Variants in GPATCH2 observed in about 807,000 individuals in gnomAD.
The protein encoded by GPATCH2 is G-patch domain containing 2, also known as G patch domain-containing protein 2.
A neutral mutation model predicts 58.0 loss-of-function variants in GPATCH2; 51 were observed. The ratio of observed to expected loss-of-function variants is 0.88; its 90% CI spans 0.70 to 1.11. GPATCH2 has a LOEUF of 1.11. Among genes scored for constraint, GPATCH2 ranks in the 50% most tolerant of loss-of-function variants. The pLI, the probability that GPATCH2 is intolerant of heterozygous loss-of-function variation, is 0.00. For missense variants in GPATCH2, 625 were observed against 652.2 expected, an observed-to-expected ratio of 0.96 and a Z score of 0.45; for synonymous variants, 222 against 218.5, an observed-to-expected ratio of 1.02 and a Z score of -0.14.
At chr1:217,563,556 T>A (rs1196247020) in intron 5 of GPATCH2, among the ~76,000 whole-genome samples, 3 of 152,186 alleles carry the variant, frequency 2.0e-5, no homozygotes, top group African/African-American at 7.2e-5. Flanking sequence ...ATAAGGTACA[T>A]TTTCCTATTA....
rs554462459 is a variant in GPATCH2, at chr1:217,587,844, C to A, written c.1098+22477G>T. Among the ~76,000 whole-genome samples the A allele has an allele frequency of 3.2e-4, 48 of 152,160 alleles. 1 individual carries two copies. The South Asian group carries it at 6.2e-3, about 20-fold the overall frequency. ...AATTTAGTTAAATCTTCACAGCCAG[C>A]CTATTAAATAGGTATTATGAAAGAC... On this transcript the variant is annotated intron_variant, in intron 5 of 9. Transcript: ENST00000366935.
chr1:217,580,865 G>A lies in GPATCH2; in HGVS notation c.1098+29456C>T, dbSNP rs1214519279. 2.2e-5 allele frequency among the ~76,000 whole-genome samples: 2 copies of A among 90,902 alleles called. 1 individual carries two copies. The highest frequency in any genetic ancestry group is 7.4e-5 in the African/African-American group (2 of 26,962). 59.6% of individuals were successfully genotyped at this position (90,902 alleles called of 152,430 possible). A position where few individuals can be genotyped will look rare whatever the true frequency, so the allele number is the denominator to read the frequency against. On this transcript the variant is annotated intron_variant, in intron 5 of 9. Coordinates refer to ENST00000366935, the MANE Select transcript of GPATCH2 (RefSeq NM_018040.5). The stretch of plus-strand genomic sequence containing the variant: ...CTACTAAAAATACAAAAAATTAGCC[G>A]GGCGCGGTGGCGGGCGCCTGTAGTC...
chr1:217,468,505 G>C (rs1558413779), intron 8 of GPATCH2, among the ~76,000 whole-genome samples: 1 of 128,438 alleles, frequency 7.8e-6, no homozygotes, highest in South Asian at 2.6e-4. Context: ...GTCAAGGAAT[G>C]CACACACAAC....
At chr1:217,435,352 G>A (rs1214006879) in intron 9 of GPATCH2, among the ~76,000 whole-genome samples, 2 of 152,182 alleles carry the variant, frequency 1.3e-5, no homozygotes, top group Non-Finnish European at 2.9e-5. Context: ...AAAGAGTACC[G>A]TGGAGGGTAA....
In GPATCH2 at chr1:217,620,472, C is replaced by A. The variant is rs1238891098; in HGVS notation, c.84G>T (p.Leu28=). ...CCAATGCTGAGACAAGGTCATGAACCAGCTCCTCCATGGTTCTACTGAAAT... is the reference window on the plus strand; with the variant it reads ...CCAATGCTGAGACAAGGTCATGAACAAGCTCCTCCATGGTTCTACTGAAAT... The part of the protein sequence containing the change: ...SWHFSRTMEE[L]VHDLVSALEE... The change falls in exon 2 of 10, where the codon CTG becomes CTT. Residue 28 remains leucine, a synonymous_variant. Coordinates refer to ENST00000366935, the MANE Select transcript of GPATCH2 (RefSeq NM_018040.5). 6.2e-7 allele frequency: 1 copy of A among 1,612,266 alleles called. No individual in the cohort carries two copies. Among genetic ancestry groups the A allele is most frequent in the Non-Finnish European group, 8.5e-7 (1 of 1,178,820 alleles).
chr1:217,526,004 T>C (rs1000126270), intron 5 of GPATCH2, among the ~76,000 whole-genome samples: 2 of 152,196 alleles, frequency 1.3e-5, no homozygotes, highest in Non-Finnish European at 2.9e-5. Flanking sequence ...ATATCATCCA[T>C]TGTGCATACT....
chr1:217,464,814 TAA>T (rs990922900), intron 8 of GPATCH2, among the ~76,000 whole-genome samples: 1 of 152,108 alleles, frequency 6.6e-6, no homozygotes, highest in Non-Finnish European at 1.5e-5. Flanking sequence ...GTCTCCTTCT[TAA>T]AAGTACAGGA....
chr1:217,598,417 G>A (rs1667955494), intron 5 of GPATCH2, among the ~76,000 whole-genome samples: 1 of 151,654 alleles, frequency 6.6e-6, no homozygotes, highest in African/African-American at 2.4e-5. Flanking sequence ...AAACCATAAG[G>A]TCATACCCGG....
At chr1:217,587,591 C>T (rs1667399995) in intron 5 of GPATCH2, among the ~76,000 whole-genome samples, 2 of 152,098 alleles carry the variant, frequency 1.3e-5, no homozygotes, top group South Asian at 4.1e-4. Flanking sequence ...GAATAATACT[C>T]TGTATGAACA....
At chr1:217,558,394 C>T (rs1476569188) in intron 5 of GPATCH2, among the ~76,000 whole-genome samples, 1 of 152,120 alleles carries the variant, frequency 6.6e-6, no homozygotes, top group Non-Finnish European at 1.5e-5. Flanking sequence ...TAACATTAAA[C>T]AACAATGGAA....
intron 5 of GPATCH2, among the ~76,000 whole-genome samples, chr1:217,535,131 T>G (rs1664398955): frequency 6.6e-6 from 1 of 152,184 alleles, no homozygotes; most frequent in Non-Finnish European, 1.5e-5. Context: ...CCAATCTGCT[T>G]TACCAACAGG....
chr1:217,593,171 A>G (rs1271049196), intron 5 of GPATCH2, among the ~76,000 whole-genome samples: 1 of 152,074 alleles, frequency 6.6e-6, no homozygotes, highest in Non-Finnish European at 1.5e-5. Flanking sequence ...AAATGACTCA[A>G]AATAGATTTT....
At chr1:217,456,044 C>G (rs937915162) in intron 8 of GPATCH2, among the ~76,000 whole-genome samples, 7 of 152,086 alleles carry the variant, frequency 4.6e-5, no homozygotes, top group African/African-American at 1.7e-4. Flanking sequence ...CCATCCATCT[C>G]ACTGAAAGCC....
intron 5 of GPATCH2, chr1:217,608,297 G>C (rs1668457177): frequency 2.0e-6 from 2 of 979,846 alleles, no homozygotes; most frequent in African/African-American, 1.8e-5. Flanking sequence ...GGAGTCCATT[G>C]TCTTCAGTAA....
intron 5 of GPATCH2, among the ~76,000 whole-genome samples, chr1:217,555,298 C>CA (rs1665566062): frequency 6.6e-6 from 1 of 152,068 alleles, no homozygotes; most frequent in African/African-American, 2.4e-5. Context: ...TAATGATGTT[C>CA]AATAATTTCA....
chr1:217,573,543 T>C (rs912049935), intron 5 of GPATCH2, among the ~76,000 whole-genome samples: 2 of 152,154 alleles, frequency 1.3e-5, no homozygotes, highest in African/African-American at 2.4e-5. Flanking sequence ...CAAACACACA[T>C]AAAATGTGAT....
intron 8 of GPATCH2, among the ~76,000 whole-genome samples, chr1:217,454,449 C>A (rs969978241): frequency 6.6e-6 from 1 of 151,564 alleles, no homozygotes; most frequent in Non-Finnish European, 1.5e-5. Flanking sequence ...ATTAGCCGGG[C>A]GTGGTGGTGG....
Position 217,607,953 on chromosome 1 carries a change from T to C in GPATCH2, c.1098+2368A>G, listed in dbSNP as rs1412690946. Among the ~76,000 whole-genome samples, 5 of 152,314 alleles carry C rather than the reference T, an allele frequency of 3.3e-5. No individual in the cohort carries two copies. In the South Asian group the frequency reaches 8.3e-4, roughly 25 times the overall value. On this transcript the variant is annotated intron_variant, in intron 5 of 9. Transcript: ENST00000366935. ...ATGTGTTTTACTTTGCTCAGAAAAT[T>C]AATCTCTCTTAAAAACAATCTGGCT...
At chr1:217,530,730 T>A (rs1664145323) in intron 5 of GPATCH2, among the ~76,000 whole-genome samples, 1 of 152,162 alleles carries the variant, frequency 6.6e-6, no homozygotes, top group Admixed American at 6.5e-5. Flanking sequence ...TTAAAAATAG[T>A]TACTTAAAGC....
Sources: gnomAD v4.1 joint callset for allele counts (sites outside exome capture counted in the v4.1 genomes callset) on GRCh38, gnomAD v4.1.1 for gene constraint, MANE v1.5 for transcripts, NCBI Gene and HGNC (gene_info 2026-07-23, HGNC 2026-07-21) for gene names.